Variants in INPP4B observed in about 807,000 individuals in gnomAD.
The protein encoded by INPP4B is inositol polyphosphate-4-phosphatase type II B, also known as inositol polyphosphate 4-phosphatase type II.
Under a neutral mutation model 122.5 loss-of-function variants are expected in INPP4B, and 55 were observed. The observed-to-expected ratio is 0.45, with a 90% CI of 0.36 to 0.56. The LOEUF is 0.56. Ranked by LOEUF, INPP4B falls within the 20% of genes least tolerant of loss-of-function variation. The pLI, the probability that INPP4B is intolerant of heterozygous loss-of-function variation, is 0.00. For synonymous variants in INPP4B, 403 were observed against 388.7 expected (o/e 1.04, Z -0.43); for missense variants, 1,000 against 1,097.7 (o/e 0.91, Z 1.26).
chr4:142,112,812 T>A (rs918374781), intron 21 of INPP4B, 130 bp from the exon 22 acceptor site: 17 of 697,870 alleles, frequency 2.4e-5, no homozygotes, highest in Non-Finnish European at 4.5e-6. Context: ...TATATGCTTA[T>A]ATTCCTCATT....
intron 25 of INPP4B, among the ~76,000 whole-genome samples, chr4:142,033,467 T>C (rs1157208963): frequency 2.0e-5 from 3 of 152,056 alleles, no homozygotes; most frequent in Non-Finnish European, 4.4e-5. Context: ...AGCCAATGCC[T>C]GGTTGGGGTC....
At chr4:142,325,210 G>A (rs774517132) in intron 7 of INPP4B, among the ~76,000 whole-genome samples, 6 of 152,096 alleles carry the variant, frequency 3.9e-5, no homozygotes, top group Non-Finnish European at 7.3e-5. Context: ...TACCCAAACC[G>A]AACTCCTTAA....
chr4:142,270,963 TC>T (rs1376877064), intron 9 of INPP4B, among the ~76,000 whole-genome samples, 189 bp from the exon 10 acceptor site: 1 of 149,930 alleles, frequency 6.7e-6, no homozygotes, highest in East Asian at 1.9e-4. Context: ...GTGTGTGTTT[TC>T]TTTTTTCTTT....
At chr4:142,074,816 C>T (rs1769649858) in intron 25 of INPP4B, among the ~76,000 whole-genome samples, 1 of 151,608 alleles carries the variant, frequency 6.6e-6, no homozygotes. Context: ...TAAGCAAAAT[C>T]ACTTGACAAG....
intron 2 of INPP4B, among the ~76,000 whole-genome samples, chr4:142,673,804 G>A (rs1441269550): frequency 3.9e-5 from 6 of 152,084 alleles, no homozygotes; most frequent in Admixed American, 3.3e-4. Context: ...GTTTCCCCAG[G>A]AAGAGAGACT....
intron 2 of INPP4B, among the ~76,000 whole-genome samples, chr4:142,590,487 G>A (rs1033523913): frequency 1.3e-5 from 2 of 152,094 alleles, no homozygotes; most frequent in African/African-American, 4.8e-5. Context: ...AGGAGTTTAG[G>A]TTAACAATTC....
intron 9 of INPP4B, among the ~76,000 whole-genome samples, chr4:142,291,367 A>G (rs1756397713): frequency 6.6e-6 from 1 of 152,296 alleles, no homozygotes; most frequent in South Asian, 2.1e-4. Context: ...CTAACTAATG[A>G]CAGAACTTAG....
At chr4:142,808,680 A>G (rs976421640) in intron 1 of INPP4B, among the ~76,000 whole-genome samples, 2 of 152,182 alleles carry the variant, frequency 1.3e-5, no homozygotes, top group African/African-American at 4.8e-5. Flanking sequence ...ATCATTCTCT[A>G]TTTTTATTCA....
chr4:142,102,077 C>T (rs1784712505), intron 23 of INPP4B, among the ~76,000 whole-genome samples: 1 of 151,958 alleles, frequency 6.6e-6, no homozygotes, highest in Non-Finnish European at 1.5e-5. Context: ...AGTCCTTTTA[C>T]TTTTTATAAA....
intron 11 of INPP4B, among the ~76,000 whole-genome samples, chr4:142,257,745 A>T (rs2150336131): frequency 6.6e-6 from 1 of 152,338 alleles, no homozygotes; most frequent in Middle Eastern, 3.4e-3. Context: ...CATGGGTAGG[A>T]TGAATCAATA....
Position 142,122,169 on chromosome 4 carries a change from T to G in INPP4B, c.2094A>C (p.Glu698Asp), listed in dbSNP as rs1182702386. The change falls in exon 21 of 26, where the codon GAA (glutamate) becomes GAC (aspartate). Residue 698 changes from glutamate (E) to aspartate (D), a missense_variant. Transcript: ENST00000262992. ...CTGGCAACACATCATTGGATTTGGC[T>G]TCAATTATTTTAAATGCAACTTTCT... ...DLKKVAFKIIEAKSNDVLPVI... is the reference protein window; with the variant it reads ...DLKKVAFKIIDAKSNDVLPVI... The G allele has an allele frequency of 6.2e-7, 1 of 1,612,230 alleles. No individual in the cohort carries two copies. Among genetic ancestry groups the G allele is most frequent in the Non-Finnish European group, 8.5e-7 (1 of 1,179,100 alleles).
At chr4:142,152,355 G>C (rs914240962) in intron 17 of INPP4B, among the ~76,000 whole-genome samples, 2 of 151,916 alleles carry the variant, frequency 1.3e-5, no homozygotes, top group Non-Finnish European at 2.9e-5. Flanking sequence ...GATTACAGGC[G>C]TGAGTCACCG....
chr4:142,697,968 TAACAA>T (rs2150747090), intron 2 of INPP4B, among the ~76,000 whole-genome samples: 1 of 152,294 alleles, frequency 6.6e-6, no homozygotes, highest in South Asian at 2.1e-4. Flanking sequence ...ACTGAATATT[TAACAA>T]AACAAGGGCT....
intron 5 of INPP4B, among the ~76,000 whole-genome samples, chr4:142,413,005 C>A (rs1011857337): frequency 6.6e-6 from 1 of 151,996 alleles, no homozygotes; most frequent in African/African-American, 2.4e-5. Context: ...TTTATAGAAA[C>A]AAAACAAAAA....
At chr4:142,255,177 C>A (rs1016009835) in intron 11 of INPP4B, among the ~76,000 whole-genome samples, 4 of 151,636 alleles carry the variant, frequency 2.6e-5, no homozygotes, top group African/African-American at 9.7e-5. Flanking sequence ...CACCACCAGG[C>A]CTGCCCTAAA....
At chr4:142,807,207 G>A (rs1036157920) in intron 1 of INPP4B, among the ~76,000 whole-genome samples, 15 of 152,100 alleles carry the variant, frequency 9.9e-5, no homozygotes, top group Admixed American at 4.6e-4. Flanking sequence ...TAAGGGAGGC[G>A]TGAAACATGG....
chr4:142,365,832 AG>A (rs1232446171), intron 7 of INPP4B, among the ~76,000 whole-genome samples: 1 of 151,970 alleles, frequency 6.6e-6, no homozygotes, highest in Admixed American at 6.6e-5. Context: ...TCACTTACTC[AG>A]GGTAACTTTG....
chr4:142,169,870 G>A (rs1201647525), intron 16 of INPP4B, among the ~76,000 whole-genome samples: 1 of 151,628 alleles, frequency 6.6e-6, no homozygotes, highest in Non-Finnish European at 1.5e-5. Flanking sequence ...GCTTTTTGAT[G>A]AGCAGGATAA....
intron 11 of INPP4B, among the ~76,000 whole-genome samples, chr4:142,258,145 G>A (rs1199305342): frequency 6.6e-6 from 1 of 151,970 alleles, no homozygotes; most frequent in African/African-American, 2.4e-5. Flanking sequence ...AAACTGGCTA[G>A]CCATATGTAG....
Sources: allele counts gnomAD v4.1 joint callset (sites outside exome capture counted in the v4.1 genomes callset), GRCh38; gene constraint gnomAD v4.1.1; transcripts MANE v1.5; gene names NCBI Gene and HGNC (gene_info 2026-07-23, HGNC 2026-07-21).